Variants in PRKG1 observed in about 807,000 individuals in gnomAD.
The protein encoded by PRKG1 is cGMP-dependent protein kinase 1.
In PRKG1, 35 loss-of-function variants were observed where a neutral mutation model predicts 88.1. The observed-to-expected ratio is 0.40, with a 90% CI of 0.30 to 0.53. The LOEUF is 0.53. Among genes scored for constraint, PRKG1 ranks in the 20% least tolerant of loss-of-function variants. PRKG1 has a pLI of 0.59. For missense variants in PRKG1, 540 were observed against 839.8 expected (o/e 0.64, Z 4.41); for synonymous variants, 303 against 292.5 (o/e 1.04, Z -0.37).
intron 9 of PRKG1, among the ~76,000 whole-genome samples, chr10:52,244,073 T>A (rs1226885895): frequency 6.6e-6 from 1 of 152,112 alleles, no homozygotes. Context: ...AAATTACTTT[T>A]ACACTTTCTA....
At chr10:52,251,728 AGATT>A in intron 10 of PRKG1, 62 bp downstream of exon 10, 1 of 1,312,418 alleles carries the variant, frequency 7.6e-7, no homozygotes, top group Non-Finnish European at 1.1e-6. Flanking sequence ...TTTTTCCCCT[AGATT>A]AAGATTTCTT....
intron 3 of PRKG1, among the ~76,000 whole-genome samples, chr10:51,738,534 G>A (rs985818282): frequency 1.3e-4 from 20 of 152,212 alleles, no homozygotes; most frequent in African/African-American, 4.1e-4. Context: ...TTCAAAAAAT[G>A]TTTTGCTAAT....
intron 3 of PRKG1, among the ~76,000 whole-genome samples, chr10:51,571,658 C>A (rs1300046750): frequency 1.3e-5 from 2 of 151,758 alleles, no homozygotes; most frequent in African/African-American, 4.8e-5. Flanking sequence ...AAGGCATGAA[C>A]ATACTGATAT....
intron 7 of PRKG1, among the ~76,000 whole-genome samples, chr10:52,069,751 CAT>C (rs1554799618): frequency 6.6e-6 from 1 of 151,950 alleles, no homozygotes; most frequent in Non-Finnish European, 1.5e-5. Context: ...CCTCATTGCT[CAT>C]GTGTCTATAA....
rs1589121134 is a variant in PRKG1, at chr10:51,044,396, C to T, written c.266+52752C>T. 9.2e-5 allele frequency among the ~76,000 whole-genome samples: 14 copies of T among 152,148 alleles called. 1 individual carries two copies. In the South Asian group the frequency reaches 2.9e-3, roughly 32 times the overall value. ...TGTGATGAATCCTTTGATTAAACAT[C>T]AAAGGAGGAGGAAGGGAAGGGGGAA... On this transcript the variant is annotated intron_variant, in intron 1 of 17. Coordinates refer to the PRKG1 transcript ENST00000401604.
At chr10:51,152,591 G>A (rs1303235392) in intron 1 of PRKG1, among the ~76,000 whole-genome samples, 2 of 151,826 alleles carry the variant, frequency 1.3e-5, no homozygotes, top group East Asian at 1.9e-4. Context: ...TAGATGACTG[G>A]CATCTTAGTA....
intron 1 of PRKG1, among the ~76,000 whole-genome samples, chr10:51,126,404 A>C (rs1240736941): frequency 7.5e-6 from 1 of 133,528 alleles, no homozygotes; most frequent in Admixed American, 7.8e-5. Flanking sequence ...TTATTTATAT[A>C]TTTATATATA....
rs547892455 is a variant in PRKG1 at position 52,186,466 on chromosome 10, T to A, written c.1076+24503T>A. 2.0e-5 allele frequency among the ~76,000 whole-genome samples: 3 copies of A among 152,046 alleles called. No individual in the cohort carries two copies. In the South Asian group the frequency reaches 6.2e-4, roughly 32 times the overall value. ...TCACCTCCTGCTATTCATGAAGGAT[T>A]TTCCCCCAGGATCCAATCACCTCCC... is the stretch of plus-strand genomic sequence containing the variant. On this transcript the variant is annotated intron_variant, in intron 9 of 17. Coordinates refer to ENST00000373980, the MANE Select transcript of PRKG1 (RefSeq NM_006258.4).
chr10:51,732,476 C>T (rs1411303148), intron 3 of PRKG1, among the ~76,000 whole-genome samples: 2 of 151,954 alleles, frequency 1.3e-5, no homozygotes, highest in Non-Finnish European at 2.9e-5. Context: ...TGGAAATCCA[C>T]GACAAAAACA....
At chr10:51,889,235 G>T (rs181371054) in intron 4 of PRKG1, among the ~76,000 whole-genome samples, 2,486 of 124,682 alleles carry the variant, frequency 0.02, 104 homozygotes, top group African/African-American at 0.075. Context: ...ACAGGCCCCG[G>T]TGTGTGATGT....
intron 6 of PRKG1, among the ~76,000 whole-genome samples, chr10:52,061,478 T>C (rs4411238): frequency 0.4 from 61,377 of 151,898 alleles, 13,407 homozygotes; most frequent in East Asian, 0.61. Flanking sequence ...TGAATGTTAG[T>C]AGAGCTTGAG....
At chr10:51,577,205 C>A (rs1837910758) in intron 3 of PRKG1, among the ~76,000 whole-genome samples, 1 of 151,850 alleles carries the variant, frequency 6.6e-6, no homozygotes, top group South Asian at 2.1e-4. Context: ...CGTTATTTCC[C>A]ATAAAGCAAT....
intron 4 of PRKG1, among the ~76,000 whole-genome samples, chr10:51,811,208 G>T (rs1015735202): frequency 5.9e-5 from 9 of 152,116 alleles, no homozygotes; most frequent in African/African-American, 2.2e-4. Context: ...AGTGAGGGTA[G>T]TTTAGTAATA....
intron 3 of PRKG1, among the ~76,000 whole-genome samples, chr10:51,670,699 G>T: frequency 6.8e-6 from 1 of 147,400 alleles, no homozygotes; most frequent in Non-Finnish European, 1.5e-5. Context: ...TCCCGCCACT[G>T]CACTCCAGCC....
intron 5 of PRKG1, among the ~76,000 whole-genome samples, chr10:51,959,671 A>G (rs1843398340): frequency 6.6e-6 from 1 of 152,094 alleles, no homozygotes; most frequent in African/African-American, 2.4e-5. Context: ...TTAGAAATAG[A>G]ATAGGGAGAG....
intron 1 of PRKG1, among the ~76,000 whole-genome samples, chr10:51,045,675 C>T (rs1478168552): frequency 1.3e-5 from 2 of 152,104 alleles, no homozygotes; most frequent in Admixed American, 1.3e-4. Context: ...TGTACATTTC[C>T]ACAACTGTGC....
chr10:51,093,952 T>C (rs1844462429), intron 1 of PRKG1, among the ~76,000 whole-genome samples: 2 of 151,628 alleles, frequency 1.3e-5, no homozygotes, highest in Non-Finnish European at 2.9e-5. Flanking sequence ...CCTGAAAGTA[T>C]ATATTTATTT....
At chr10:51,691,107 T>C (rs1229338546) in intron 3 of PRKG1, among the ~76,000 whole-genome samples, 2 of 151,178 alleles carry the variant, frequency 1.3e-5, no homozygotes, top group Non-Finnish European at 2.9e-5. Context: ...TTATTGAAAA[T>C]GCAAACATTT....
chr10:52,246,876 C>CA (rs756775020), intron 9 of PRKG1, among the ~76,000 whole-genome samples: 6,406 of 56,908 alleles, frequency 0.11, 798 homozygotes, highest in East Asian at 0.31. Context: ...AACACAGTCT[C>CA]AAAAAAAAAA....
Sources: allele counts gnomAD v4.1 joint callset (sites outside exome capture counted in the v4.1 genomes callset), GRCh38; gene constraint gnomAD v4.1.1; transcripts MANE v1.5; gene names NCBI Gene and HGNC (gene_info 2026-07-23, HGNC 2026-07-21).